Variants in CPEB1 observed in about 807,000 individuals in gnomAD.
CPEB1 encodes cytoplasmic polyadenylation element-binding protein 1.
In CPEB1, 7 loss-of-function variants were observed where a neutral mutation model predicts 65.8. The observed-to-expected ratio is 0.11, with a 90% confidence interval of 0.06 to 0.20. CPEB1 has a LOEUF of 0.20. Ranked by LOEUF, CPEB1 falls within the 10% of genes least tolerant of loss-of-function variation. CPEB1 has a pLI of 1.00. For missense variants in CPEB1, 551 were observed against 712.2 expected, an observed-to-expected ratio of 0.77 and a Z score of 2.58; for synonymous variants, 262 against 260.0, an observed-to-expected ratio of 1.01 and a Z score of -0.08.
chr15:82,594,886 C>T (rs1339211458), intron 3 of CPEB1, among the ~76,000 whole-genome samples: 2 of 152,042 alleles, frequency 1.3e-5, no homozygotes, highest in Non-Finnish European at 2.9e-5. Context: ...GACAGGAGAA[C>T]GGCCGACTGG....
At chr15:82,602,534 C>T (rs2043202004) in intron 3 of CPEB1, among the ~76,000 whole-genome samples, 1 of 152,034 alleles carries the variant, frequency 6.6e-6, no homozygotes, top group Admixed American at 6.6e-5. Context: ...GGGCAAGATC[C>T]TGCATCCAGA....
chr15:82,570,499 T>C (rs2039860015), intron 4 of CPEB1, among the ~76,000 whole-genome samples: 1 of 151,894 alleles, frequency 6.6e-6, no homozygotes, highest in Non-Finnish European at 1.5e-5. Flanking sequence ...AGTGTTTAAG[T>C]TCACATTTCT....
At chr15:82,613,654 C>T (rs2151258932) in intron 3 of CPEB1, among the ~76,000 whole-genome samples, 1 of 152,286 alleles carries the variant, frequency 6.6e-6, no homozygotes, top group Non-Finnish European at 1.5e-5. Context: ...GCCACTGCAT[C>T]CTGCAGATTT....
chr15:82,616,620 G>A (rs1037576833), intron 3 of CPEB1, among the ~76,000 whole-genome samples: 2 of 147,032 alleles, frequency 1.4e-5, no homozygotes, highest in Non-Finnish European at 3.0e-5. Flanking sequence ...TCAGCTCACT[G>A]CAGCCTCCAC....
chr15:82,643,852 T>C lies in CPEB1; in HGVS notation c.-98+3285A>G, dbSNP rs72751683. Among the ~76,000 whole-genome samples the C allele has an allele frequency of 7.5e-3, 1,141 of 152,278 alleles. 13 individuals are homozygous for C. Among genetic ancestry groups the C allele is most frequent in the Non-Finnish European group, 8.5e-3 (577 of 68,014 alleles). On this transcript the variant is annotated intron_variant, in intron 1 of 12. Coordinates refer to ENST00000684509, the MANE Select transcript of CPEB1 (RefSeq NM_001365242.1). ...TTTTTTAACCTTTATTAATTCTTCC[T>C]GGAAATCTAAGAGACAGCATTATGG...
At chr15:82,572,940 A>G in intron 3 of CPEB1, 1 of 1,246,818 alleles carries the variant, frequency 8.0e-7, no homozygotes, top group Non-Finnish European at 1.1e-6. Context: ...ACATGAGCCC[A>G]GGGTCACTGG....
chr15:82,600,731 G>A (rs73439143), intron 3 of CPEB1, among the ~76,000 whole-genome samples: 3,367 of 152,022 alleles, frequency 0.022, 111 homozygotes, highest in African/African-American at 0.077. Context: ...TGCCCAAGAG[G>A]CCATGGAAGA....
chr15:82,582,629 A>C (rs367890969), intron 3 of CPEB1, among the ~76,000 whole-genome samples: 7 of 152,198 alleles, frequency 4.6e-5, no homozygotes, highest in African/African-American at 1.7e-4. Context: ...ACACTCATAC[A>C]TAATAACCCT....
At chr15:82,599,116 T>C (rs950036959) in intron 3 of CPEB1, among the ~76,000 whole-genome samples, 3 of 152,162 alleles carry the variant, frequency 2.0e-5, no homozygotes, top group African/African-American at 7.2e-5. Context: ...AATGGTCTGA[T>C]TGGTAGAATG....
chr15:82,626,306 T>G (rs1191095203), intron 3 of CPEB1, among the ~76,000 whole-genome samples: 1 of 151,664 alleles, frequency 6.6e-6, no homozygotes, highest in Non-Finnish European at 1.5e-5. Flanking sequence ...TGGTGGCGCG[T>G]GCCTGTAATC....
chr15:82,646,133 T>C (rs1003103241), intron 1 of CPEB1, among the ~76,000 whole-genome samples: 1 of 152,174 alleles, frequency 6.6e-6, no homozygotes, highest in Admixed American at 6.5e-5. Context: ...TTTGAATTTA[T>C]TTTTATTTTT....
chr15:82,593,133 G>A (rs190766395), intron 3 of CPEB1, among the ~76,000 whole-genome samples: 31 of 152,276 alleles, frequency 2.0e-4, no homozygotes, highest in African/African-American at 6.0e-4. Flanking sequence ...GGTTAACTGC[G>A]GCAATTTCTT....
intron 4 of CPEB1, among the ~76,000 whole-genome samples, chr15:82,564,774 C>G (rs1323456202): frequency 6.6e-6 from 1 of 152,140 alleles, no homozygotes; most frequent in Non-Finnish European, 1.5e-5. Context: ...GAAGAAAGCT[C>G]CTCTGCTTGA....
intron 3 of CPEB1, among the ~76,000 whole-genome samples, chr15:82,614,804 C>T (rs783523): frequency 0.4 from 60,677 of 151,732 alleles, 12,201 homozygotes; most frequent in South Asian, 0.49. Context: ...CTTCAAGAGA[C>T]TTACAGTATA....
intron 8 of CPEB1, among the ~76,000 whole-genome samples, chr15:82,553,055 A>T (rs1316091287): frequency 6.6e-6 from 1 of 152,194 alleles, no homozygotes; most frequent in South Asian, 2.1e-4. Context: ...ACCAGTGAGG[A>T]ATCAGATGCT....
At chr15:82,577,666 CA>C (rs1364538024) in intron 3 of CPEB1, among the ~76,000 whole-genome samples, 1 of 152,052 alleles carries the variant, frequency 6.6e-6, no homozygotes, top group East Asian at 1.9e-4. Flanking sequence ...AGGTGCATGC[CA>C]CCATACCTGG....
At chr15:82,574,467 C>T (rs2040418339) in intron 3 of CPEB1, among the ~76,000 whole-genome samples, 1 of 152,080 alleles carries the variant, frequency 6.6e-6, no homozygotes, top group African/African-American at 2.4e-5. Flanking sequence ...TCTGTAATCC[C>T]AGCACTTTGG....
At chr15:82,589,721 CAA>C (rs545143207) in intron 3 of CPEB1, among the ~76,000 whole-genome samples, 2 of 139,358 alleles carry the variant, frequency 1.4e-5, no homozygotes, top group African/African-American at 2.6e-5. Context: ...ACTCCAACTC[CAA>C]AAAAAAAAAA....
At chr15:82,630,079 C>A (rs1180581113) in intron 1 of CPEB1, 1 of 985,280 alleles carries the variant, frequency 1.0e-6, no homozygotes, top group Admixed American at 6.1e-5. Context: ...TTCAGGAAGG[C>A]AACTTCATGA....
Sources: gnomAD v4.1 joint callset for allele counts (sites outside exome capture counted in the v4.1 genomes callset) on GRCh38, gnomAD v4.1.1 for gene constraint, MANE v1.5 for transcripts, NCBI Gene and HGNC (gene_info 2026-07-23, HGNC 2026-07-21) for gene names.